Variants in TENM3 observed in about 807,000 individuals in gnomAD.
The protein encoded by TENM3 is teneurin transmembrane protein 3.
TENM3 carries 63 observed loss-of-function variants against 255.1 expected under a neutral mutation model. The ratio of observed to expected loss-of-function variants is 0.25; its 90% CI spans 0.20 to 0.30. The LOEUF is 0.30. Ranked by LOEUF, TENM3 falls within the 10% of genes least tolerant of loss-of-function variation. The probability of loss-of-function intolerance (pLI) is 1.00; values close to 1 mark genes in which losing one functional copy is unlikely to be tolerated. For synonymous variants in TENM3, 1,306 were observed against 1,322.3 expected, an observed-to-expected ratio of 0.99 and a Z score of 0.27; for missense variants, 2,929 against 3,461.1, an observed-to-expected ratio of 0.85 and a Z score of 3.86.
the TENM3 span, among the ~76,000 whole-genome samples, chr4:182,011,252 C>G: frequency 0.43 from 65,309 of 152,104 alleles, 15,441 homozygotes; most frequent in Non-Finnish European, 0.54. Context: ...TGATGCCCCT[C>G]CAATTTTCCC....
At chr4:182,386,775 A>G (rs4862060) in intron 3 of TENM3, among the ~76,000 whole-genome samples, 130,606 of 152,272 alleles carry the variant, frequency 0.86, 57,689 homozygotes, top group Non-Finnish European at 0.95. Context: ...GCCGGGCCTT[A>G]GCTGCCTTCC....
At chr4:182,619,311 G>C (rs1363505108) in intron 4 of TENM3, among the ~76,000 whole-genome samples, 1 of 151,968 alleles carries the variant, frequency 6.6e-6, no homozygotes, top group Non-Finnish European at 1.5e-5. Flanking sequence ...CATACCTGTA[G>C]TCCCAGCTAC....
At chr4:182,546,911 T>G (rs2151912739) in intron 3 of TENM3, among the ~76,000 whole-genome samples, 1 of 152,310 alleles carries the variant, frequency 6.6e-6, no homozygotes, top group Admixed American at 6.5e-5. Context: ...TGAGTGTGTA[T>G]GATGAAAAGT....
intron 12 of TENM3, among the ~76,000 whole-genome samples, chr4:182,695,740 T>G (rs1288584749): frequency 6.6e-6 from 1 of 152,196 alleles, no homozygotes; most frequent in Non-Finnish European, 1.5e-5. Flanking sequence ...AAACAGAAGC[T>G]AGTCTGGAAA....
chr4:182,116,496 G>A, the TENM3 span, among the ~76,000 whole-genome samples: 1 of 152,106 alleles, frequency 6.6e-6, no homozygotes, highest in Non-Finnish European at 1.5e-5. Context: ...GAGTTGTGAT[G>A]TTGAGATGAC....
the TENM3 span, among the ~76,000 whole-genome samples, chr4:181,833,710 T>C: frequency 7.0e-6 from 1 of 143,292 alleles, no homozygotes; most frequent in Non-Finnish European, 1.5e-5. Context: ...ACTTCTTCTC[T>C]GGAAACTTTT....
chr4:182,453,933 A>G (rs1176122920), intron 3 of TENM3, among the ~76,000 whole-genome samples: 1 of 152,164 alleles, frequency 6.6e-6, no homozygotes, highest in Non-Finnish European at 1.5e-5. Flanking sequence ...AAAGTTGTAC[A>G]TTAGCGGAGT....
chr4:182,448,915 C>A, intron 3 of TENM3: 1 of 344,886 alleles, frequency 2.9e-6, no homozygotes, highest in South Asian at 2.0e-5. Context: ...GCGCACCGCC[C>A]CCTCGGCGGC....
At chr4:181,994,535 G>T in the TENM3 span, among the ~76,000 whole-genome samples, 3 of 132,980 alleles carry the variant, frequency 2.3e-5, no homozygotes, top group Admixed American at 8.1e-5. Flanking sequence ...TTGTTTGTTG[G>T]TTTTTTTGTT....
chr4:182,380,839 C>T (rs1561386197), intron 3 of TENM3, among the ~76,000 whole-genome samples: 1 of 152,186 alleles, frequency 6.6e-6, no homozygotes, highest in Non-Finnish European at 1.5e-5. Context: ...CAGGCTTTGG[C>T]TAAGGTCCCA....
chr4:182,020,355 G>C, the TENM3 span, among the ~76,000 whole-genome samples: 4 of 151,948 alleles, frequency 2.6e-5, no homozygotes, highest in East Asian at 7.8e-4. Context: ...AACAGGGCCA[G>C]ACTCTGTCTC....
At chr4:182,393,421 A>G (rs1182101707) in intron 3 of TENM3, among the ~76,000 whole-genome samples, 3 of 152,240 alleles carry the variant, frequency 2.0e-5, no homozygotes. Flanking sequence ...GAAATAACAT[A>G]TAGAAAACTA....
At chr4:182,570,928 G>T (rs1160111237) in intron 3 of TENM3, among the ~76,000 whole-genome samples, 1 of 152,168 alleles carries the variant, frequency 6.6e-6, no homozygotes, top group East Asian at 1.9e-4. Context: ...GGGTCACACT[G>T]TGAGAAGGCT....
chr4:182,094,339 G>A, the TENM3 span, among the ~76,000 whole-genome samples: 2 of 151,674 alleles, frequency 1.3e-5, no homozygotes, highest in African/African-American at 2.4e-5. Flanking sequence ...TCCACCTCCC[G>A]GCTTCAAGCA....
At chr4:182,027,512 AT>A in the TENM3 span, among the ~76,000 whole-genome samples, 1 of 151,790 alleles carries the variant, frequency 6.6e-6, no homozygotes, top group African/African-American at 2.4e-5. Context: ...ACTATATTGA[AT>A]AACAGTGATG....
the TENM3 span, among the ~76,000 whole-genome samples, chr4:181,455,953 G>C: frequency 2.0e-5 from 3 of 151,828 alleles, no homozygotes; most frequent in Admixed American, 1.3e-4. Context: ...AAGGTAGCCA[G>C]CTTTCACTGA....
the TENM3 span, among the ~76,000 whole-genome samples, chr4:181,710,758 A>G: frequency 6.6e-6 from 1 of 151,048 alleles, no homozygotes; most frequent in East Asian, 2.0e-4. Context: ...TATATTGCCC[A>G]GGCAGGTCTT....
chr4:181,845,098 A>G, the TENM3 span, among the ~76,000 whole-genome samples: 6 of 152,222 alleles, frequency 3.9e-5, no homozygotes, highest in East Asian at 9.6e-4. Flanking sequence ...CTAAATTTGT[A>G]TAATTAAAGA....
intron 6 of TENM3, among the ~76,000 whole-genome samples, chr4:182,667,719 G>A (rs1410942416): frequency 6.6e-6 from 1 of 150,390 alleles, no homozygotes; most frequent in Admixed American, 6.6e-5. Flanking sequence ...TTCTTCTGCA[G>A]TTGAAAAGCA....
Sources: gnomAD v4.1 joint callset for allele counts (sites outside exome capture counted in the v4.1 genomes callset) on GRCh38, gnomAD v4.1.1 for gene constraint, MANE v1.5 for transcripts, NCBI Gene and HGNC (gene_info 2026-07-23, HGNC 2026-07-21) for gene names.